The following ACADL variants were observed in gnomAD, a reference collection of about 807,000 sequenced individuals.
ACADL encodes long-chain specific acyl-CoA dehydrogenase, mitochondrial.
A neutral mutation model predicts 56.9 loss-of-function variants in ACADL; 60 were observed. The observed-to-expected ratio is 1.05, with a 90% CI of 0.86 to 1.31. The LOEUF is 1.31. Ranked by LOEUF, ACADL falls within the 50% of genes most tolerant of loss-of-function variation. ACADL has a pLI of 0.00. For missense variants in ACADL, 484 were observed against 525.5 expected, an observed-to-expected ratio of 0.92 and a Z score of 0.77; for synonymous variants, 158 against 179.7, an observed-to-expected ratio of 0.88 and a Z score of 0.97.
chr2:210,195,410 C>T lies in ACADL; in HGVS notation c.985-72G>A, dbSNP rs1413152246. 8.8e-5 allele frequency: 130 copies of T among 1,469,480 alleles called. No homozygotes were observed. In the South Asian group the frequency reaches 1.4e-3, roughly 16 times the overall value. The allele number at this position is 1,469,480 out of a possible 1,614,324, so 91.0% of individuals were successfully genotyped here. On this transcript the variant is annotated intron_variant, in intron 8 of 10. Transcript: ENST00000233710. ...ATAAACTTCAACCCACTTAACATAT[C>T]AGAAATTATACAATAAAAGATCTTT...
chr2:210,204,656 A>G lies in ACADL; in HGVS notation c.795T>C (p.Asp265=). The change falls in exon 7 of 11, where the codon GAT becomes GAC. Residue 265 remains aspartate (D), a synonymous_variant. Coordinates refer to ENST00000233710, the MANE Select transcript of ACADL (RefSeq NM_001608.4). The part of the protein sequence containing the change: ...AQDTAELFFE[D]IRLPASALLG... ...GTAGGGCACTAGCTGGCAACCGTATATCTTCAAAGAATAGTTCTGCGGTAT... is the reference window on the plus strand; with the variant it reads ...GTAGGGCACTAGCTGGCAACCGTATGTCTTCAAAGAATAGTTCTGCGGTAT... 6.2e-7 allele frequency: 1 copy of G among 1,612,194 alleles called. No individual in the cohort carries two copies. The highest frequency in any genetic ancestry group is 1.1e-5 in the South Asian group (1 of 91,038).
At chr2:210,209,905 T>G in intron 5 of ACADL, 1 of 314,550 alleles carries the variant, frequency 3.2e-6, no homozygotes, top group Non-Finnish European at 6.0e-6. Context: ...TTGTCCCACA[T>G]TTGGGCAATG....
intron 5 of ACADL, among the ~76,000 whole-genome samples, chr2:210,206,046 A>G (rs1688883251): frequency 2.0e-5 from 3 of 152,192 alleles, no homozygotes; most frequent in East Asian, 1.9e-4. Context: ...AATATTATAC[A>G]TAATAATAAT....
intron 6 of ACADL, 77 bp downstream of exon 6, chr2:210,205,555 A>G (rs1335345730): frequency 7.0e-7 from 1 of 1,433,504 alleles, no homozygotes; most frequent in Admixed American, 1.8e-5. Flanking sequence ...TGCCACATGT[A>G]ATCCTCTATG....
intron 9 of ACADL, 81 bp downstream of exon 9, chr2:210,195,130 C>T (rs1463463461): frequency 1.3e-6 from 2 of 1,574,500 alleles, no homozygotes; most frequent in South Asian, 1.1e-5. Context: ...CCTTTAAGAC[C>T]CTCAAGGCTG....
At chr2:210,189,456 T>C (rs909444405) in intron 10 of ACADL, among the ~76,000 whole-genome samples, 4 of 152,138 alleles carry the variant, frequency 2.6e-5, no homozygotes, top group African/African-American at 9.7e-5. Flanking sequence ...ACTGGTTTTA[T>C]AGAAAACAAA....
In ACADL at chr2:210,225,256, G is replaced by C. The variant is rs1689254116; in HGVS notation, c.8C>G (p.Ala3Gly). MA[A>G]RLLRGSLRVL... Reference sequence around the variant, plus strand: ...GCGTAGGGACCCTCGGAGAAGGCGTGCGGCCATGTCCGAAACACAGGGGCG... The same window carrying C: ...GCGTAGGGACCCTCGGAGAAGGCGTCCGGCCATGTCCGAAACACAGGGGCG... The change falls in exon 1 of 11, where the codon GCA becomes GGA. Residue 3 changes from alanine (A) to glycine (G), a missense_variant. Transcript: ENST00000233710. The C allele has an allele frequency of 6.4e-7, 1 of 1,557,410 alleles. No individual in the cohort carries two copies. The highest frequency in any genetic ancestry group is 8.6e-7 in the Non-Finnish European group (1 of 1,157,574).
chr2:210,205,658 G>A lies in ACADL; in HGVS notation c.742C>T (p.Leu248=). 1 of 1,613,772 alleles carries A rather than the reference G, an allele frequency of 6.2e-7. No homozygotes were observed. Among genetic ancestry groups the A allele is most frequent in the Non-Finnish European group, 8.5e-7 (1 of 1,179,890 alleles). The change falls in exon 6 of 11, where the codon CTA becomes TTA. Residue 248 remains leucine (L), a synonymous_variant. Transcript: ENST00000233710. ...TGGGCTTTTAATCCCATTTTATGTAGCTTTCGTCCCTTGATAAATCCTTTC... is the reference window on the plus strand; with the variant it reads ...TGGGCTTTTAATCCCATTTTATGTAACTTTCGTCCCTTGATAAATCCTTTC... ...GMKGFIKGRK[L]HKMGLKAQDT...
Position 210,189,706 on chromosome 2 carries a change from A to G in ACADL, c.1200-652T>C, listed in dbSNP as rs142063615. ...CATAAGTTCACTTTTGATAGTCATG[A>G]TAACAACCGTACCACTGTACAGTTG... On this transcript the variant is annotated intron_variant, in intron 10 of 10. Transcript: ENST00000233710. Among the ~76,000 whole-genome samples the G allele has an allele frequency of 2.0e-5, 3 of 152,172 alleles. No homozygotes were observed. In the East Asian group the frequency reaches 5.8e-4, roughly 29 times the overall value.
At chr2:210,192,976 C>CTAATTGTTAAACAATTAAACT (rs1358822787) in intron 9 of ACADL, 86 bp from the exon 10 acceptor site, 25 of 1,021,782 alleles carry the variant, frequency 2.4e-5, no homozygotes, top group Non-Finnish European at 3.8e-5. Flanking sequence ...TAATTATTTA[C>CTAATTGTTAAACAATTAAACT]AATTGTTTAA....
At chr2:210,199,995 T>C (rs1688768323) in intron 8 of ACADL, among the ~76,000 whole-genome samples, 1 of 152,196 alleles carries the variant, frequency 6.6e-6, no homozygotes, top group African/African-American at 2.4e-5. Flanking sequence ...TCTGCCTGCC[T>C]AGGCCTCCCA....
intron 1 of ACADL, among the ~76,000 whole-genome samples, chr2:210,222,857 T>C (rs539136326): frequency 6.6e-6 from 1 of 152,322 alleles, no homozygotes; most frequent in East Asian, 1.9e-4. Flanking sequence ...ATCCCTATAA[T>C]GGAAATGATC....
chr2:210,188,883 C>A lies in ACADL; in HGVS notation c.*78G>T. 9.6e-7 allele frequency: 1 copy of A among 1,039,208 alleles called. No individual in the cohort carries two copies. The highest frequency in any genetic ancestry group is 1.6e-5 in the African/African-American group (1 of 63,916). The allele number at this position is 1,039,208 out of a possible 1,614,324, so 64.4% of individuals were successfully genotyped here. On this transcript the variant is annotated 3_prime_UTR_variant, in exon 11 of 11. Transcript: ENST00000233710. ...TAAAAACATGTTTAGTGTTTCCTCGCTTTCCAAGTTACATTTTATCTTGAG... is the reference window on the plus strand; with the variant it reads ...TAAAAACATGTTTAGTGTTTCCTCGATTTCCAAGTTACATTTTATCTTGAG...
At chr2:210,206,634 T>C (rs1158976108) in intron 5 of ACADL, among the ~76,000 whole-genome samples, 1 of 152,092 alleles carries the variant, frequency 6.6e-6, no homozygotes, top group Non-Finnish European at 1.5e-5. Context: ...ATGAGAGGGA[T>C]TATCAGATGA....
At chr2:210,203,526 T>C (rs1688833371) in intron 7 of ACADL, 82 bp from the exon 8 acceptor site, 1 of 837,674 alleles carries the variant, frequency 1.2e-6, no homozygotes, top group Admixed American at 2.2e-5. Context: ...ATAAATCCTA[T>C]AAATTATCTT....
intron 9 of ACADL, 33 bp downstream of exon 9, chr2:210,195,178 C>T (rs372173807): frequency 2.5e-6 from 4 of 1,613,432 alleles, no homozygotes; most frequent in Non-Finnish European, 3.4e-6. Flanking sequence ...AGTCTGAGCA[C>T]ACACCGCACT....
At chr2:210,193,529 G>A (rs932666265) in intron 9 of ACADL, among the ~76,000 whole-genome samples, 1 of 152,074 alleles carries the variant, frequency 6.6e-6, no homozygotes, top group African/African-American at 2.4e-5. Context: ...TAAACATGCA[G>A]TGCTTGAGAA....
At position 210,216,388 on chromosome 2, in the gene ACADL, T is replaced by G; in HGVS notation, c.495A>C (p.Lys165Asn). Residue 165 changes from lysine to asparagine, a missense_variant, in exon 4 of 11, where the codon AAA (lysine) becomes AAC (asparagine). Physicochemically the swap from Lys to Asn is moderately conservative, Grantham distance 94 (BLOSUM62 0). Transcript: ENST00000233710. ...KHFIPQMTAG[K>N]CIGAIAMTEP... ...CTGTCATTGCTATTGCACCAATACATTTGCCTGCAGTCATCTGGGGAATAA... is the reference window on the plus strand; with the variant it reads ...CTGTCATTGCTATTGCACCAATACAGTTGCCTGCAGTCATCTGGGGAATAA... The G allele has an allele frequency of 6.2e-7, 1 of 1,613,924 alleles. No homozygotes were observed. The highest frequency in any genetic ancestry group is 8.5e-7 in the Non-Finnish European group (1 of 1,179,836).
At chr2:210,219,142 G>A (rs1466109664) in intron 2 of ACADL, among the ~76,000 whole-genome samples, 1 of 152,174 alleles carries the variant, frequency 6.6e-6, no homozygotes, top group Non-Finnish European at 1.5e-5. Flanking sequence ...CTTGCTTAAA[G>A]TAGCTTTGGA....
Sources: allele counts gnomAD v4.1 joint callset (sites outside exome capture counted in the v4.1 genomes callset), GRCh38; gene constraint gnomAD v4.1.1; transcripts MANE v1.5; gene names NCBI Gene and HGNC (gene_info 2026-07-23, HGNC 2026-07-21).